Variants in UTP20 observed in about 807,000 individuals in gnomAD.
The protein encoded by UTP20 is UTP20 small subunit processome component, also known as small subunit processome component 20 homolog.
Under a neutral mutation model 329.5 loss-of-function variants are expected in UTP20, and 164 were observed. The observed-to-expected ratio is 0.50, with a 90% CI of 0.44 to 0.57. UTP20 has a LOEUF of 0.57. Ranked by LOEUF, UTP20 falls within the 20% of genes least tolerant of loss-of-function variation. The probability of loss-of-function intolerance (pLI) is 0.00; values close to 1 mark genes in which losing one functional copy is unlikely to be tolerated. For synonymous variants in UTP20, 1,151 were observed against 1,159.3 expected, an observed-to-expected ratio of 0.99 and a Z score of 0.14; for missense variants, 3,055 against 3,284.2, an observed-to-expected ratio of 0.93 and a Z score of 1.71.
chr12:101,340,379 A>G (rs1869080982), intron 31 of UTP20, 144 bp from the exon 32 acceptor site: 1 of 547,322 alleles, frequency 1.8e-6, no homozygotes, highest in African/African-American at 1.9e-5. Flanking sequence ...TAAACTTTTT[A>G]TACATGCACA....
At chr12:101,363,778 A>G (rs1317757064) in intron 45 of UTP20, 35 bp downstream of exon 45, 1 of 1,395,922 alleles carries the variant, frequency 7.2e-7, no homozygotes, top group South Asian at 1.2e-5. Context: ...AGATCACAGC[A>G]TTACAATCTC....
chr12:101,381,669 CAT>C (rs1870649746), intron 58 of UTP20, among the ~76,000 whole-genome samples: 1 of 152,144 alleles, frequency 6.6e-6, no homozygotes, highest in South Asian at 2.1e-4. Context: ...TTCAAATACA[CAT>C]ATGTCTTGTC....
rs140750649 is a variant in UTP20 at position 101,296,850 on chromosome 12, A to C, written c.1430+1192A>C. Reference sequence around the variant, plus strand: ...CTTTCTTAATTTCATTCAAAATGACACATTGTTTAGAAGTTAAAAACAAAG... The same window carrying C: ...CTTTCTTAATTTCATTCAAAATGACCCATTGTTTAGAAGTTAAAAACAAAG... On this transcript the variant is annotated intron_variant, in intron 12 of 61. Transcript: ENST00000261637. Among the ~76,000 whole-genome samples, 478 of 152,344 alleles carry C rather than the reference A, an allele frequency of 3.1e-3. 2 individuals are homozygous for C. Among genetic ancestry groups the C allele is most frequent in the African/African-American group, 0.01 (432 of 41,588 alleles).
In UTP20 at chr12:101,370,553, G is replaced by C. The variant is rs201141140; in HGVS notation, c.6677G>C (p.Gly2226Ala). The change falls in exon 50 of 62, where the codon GGT (glycine) becomes GCT (alanine). Residue 2226 changes from glycine to alanine, a missense_variant. By Grantham distance (60) the Gly-to-Ala change is moderately conservative (BLOSUM62 0). This residue lies in a region of UTP20 where 273 missense variants were observed against 363.1 expected (regional missense o/e 0.75). Coordinates refer to ENST00000261637, the MANE Select transcript of UTP20 (RefSeq NM_014503.3). The stretch of plus-strand genomic sequence containing the variant: ...ACTTCAAGACAAGCCACTGCCTTTG[G>C]TCTTCTGAAGGTATGCTGTCGCCAG... Reference protein sequence around the residue: ...YDTSRQATAFGLLKAILSRKL... With the variant: ...YDTSRQATAFALLKAILSRKL... 2.0e-5 allele frequency: 33 copies of C among 1,612,614 alleles called. No individual in the cohort carries two copies. In the East Asian group the frequency reaches 7.4e-4, roughly 36 times the overall value.
intron 21 of UTP20, among the ~76,000 whole-genome samples, chr12:101,315,311 C>G (rs1325275517): frequency 1.3e-5 from 2 of 152,038 alleles, no homozygotes; most frequent in African/African-American, 4.8e-5. Context: ...TGGTGAAACC[C>G]TGTCTCTACC....
Position 101,362,272 on chromosome 12 carries a change from C to T in UTP20, c.5790+212C>T, listed in dbSNP as rs190844398. 4.5e-4 allele frequency among the ~76,000 whole-genome samples: 68 copies of T among 152,116 alleles called. 1 individual carries two copies. The East Asian group carries it at 0.01, about 23-fold the overall frequency. Reference sequence around the variant, plus strand: ...AGGTCATAAATTGATATGATCTTTCCGGAAAGTAAGTTGCCATTTTGTATC... The same window carrying T: ...AGGTCATAAATTGATATGATCTTTCTGGAAAGTAAGTTGCCATTTTGTATC... On this transcript the variant is annotated intron_variant, in intron 44 of 61. Coordinates refer to ENST00000261637, the MANE Select transcript of UTP20 (RefSeq NM_014503.3).
chr12:101,359,586 C>T (rs1869847399), intron 43 of UTP20, among the ~76,000 whole-genome samples: 1 of 151,806 alleles, frequency 6.6e-6, no homozygotes, highest in African/African-American at 2.4e-5. Context: ...ACTGACTCTT[C>T]CCTCTTTCAT....
At chr12:101,367,738 T>G (rs2305859) in intron 47 of UTP20, 122 bp from the exon 48 acceptor site, 140,840 of 672,708 alleles carry the variant, frequency 0.21, 16,495 homozygotes, top group East Asian at 0.39. Flanking sequence ...TAAAAATGTT[T>G]TATCATTTCT....
At chr12:101,284,599 G>A (rs2137227630) in intron 2 of UTP20, among the ~76,000 whole-genome samples, 1 of 152,130 alleles carries the variant, frequency 6.6e-6, no homozygotes, top group Admixed American at 6.5e-5. Flanking sequence ...GGGGGGGTAT[G>A]CATTTATTTA....
chr12:101,368,036 G>T, intron 48 of UTP20, 60 bp downstream of exon 48: 1 of 1,181,424 alleles, frequency 8.5e-7, no homozygotes, highest in Non-Finnish European at 1.3e-6. Flanking sequence ...ACTATGTTTT[G>T]CAGAATACCT....
chr12:101,293,123 A>C, intron 10 of UTP20, 45 bp from the exon 11 acceptor site: 1 of 1,582,238 alleles, frequency 6.3e-7, no homozygotes, highest in Non-Finnish European at 8.7e-7. Flanking sequence ...GATGGGGAAA[A>C]TACTCTCTGT....
At chr12:101,371,873 A>C (rs183590237) in intron 51 of UTP20, among the ~76,000 whole-genome samples, 64 of 152,272 alleles carry the variant, frequency 4.2e-4, no homozygotes, top group African/African-American at 1.5e-3. Context: ...TTAAATCCTT[A>C]GGGAGAGGAG....
intron 58 of UTP20, 110 bp from the exon 59 acceptor site, chr12:101,382,931 T>C: frequency 1.5e-6 from 2 of 1,337,752 alleles, no homozygotes; most frequent in Non-Finnish European, 2.0e-6. Context: ...ATACCTAGTT[T>C]GTTTTTGTTT....
At chr12:101,356,373 A>T (rs530086853) in intron 41 of UTP20, among the ~76,000 whole-genome samples, 181 bp from the exon 42 acceptor site, 3 of 152,168 alleles carry the variant, frequency 2.0e-5, no homozygotes, top group Non-Finnish European at 4.4e-5. Context: ...TGATCCGCCC[A>T]CCTTGGCTTC....
At chr12:101,349,818 T>TA (rs1869456767) in intron 38 of UTP20, among the ~76,000 whole-genome samples, 1 of 152,162 alleles carries the variant, frequency 6.6e-6, no homozygotes, top group Non-Finnish European at 1.5e-5. Context: ...CCAGTGTACA[T>TA]TATTAGGTCA....
chr12:101,325,963 A>G (rs1399883540), intron 25 of UTP20, among the ~76,000 whole-genome samples: 2 of 152,220 alleles, frequency 1.3e-5, no homozygotes, highest in African/African-American at 4.8e-5. Context: ...TTTGGTTTGC[A>G]GTGAAATGTG....
chr12:101,370,005 A>G, intron 49 of UTP20, 114 bp downstream of exon 49: 1 of 1,044,740 alleles, frequency 9.6e-7, no homozygotes, highest in Non-Finnish European at 1.4e-6. Context: ...CTTGAGCCTA[A>G]GAGTTCAAGA....
At chr12:101,351,273 C>T (rs1869511200) in intron 38 of UTP20, among the ~76,000 whole-genome samples, 1 of 152,004 alleles carries the variant, frequency 6.6e-6, no homozygotes, top group Non-Finnish European at 1.5e-5. Flanking sequence ...ATTACAGGTG[C>T]ACACCACCAT....
At chr12:101,336,512 G>A (rs998985364) in intron 29 of UTP20, among the ~76,000 whole-genome samples, 2 of 152,158 alleles carry the variant, frequency 1.3e-5, no homozygotes, top group Non-Finnish European at 2.9e-5. Flanking sequence ...GTTGAAAAGA[G>A]TTGTAATAAG....
Sources: gnomAD v4.1 joint callset for allele counts (sites outside exome capture counted in the v4.1 genomes callset) on GRCh38, gnomAD v4.1.1 for gene constraint, gnomAD v4.1.1 regional missense constraint, MANE v1.5 for transcripts, NCBI Gene and HGNC (gene_info 2026-07-23, HGNC 2026-07-21) for gene names.